Variants in TENM4 observed in about 807,000 individuals in gnomAD.
The protein encoded by TENM4 is teneurin-4.
In TENM4, 82 loss-of-function variants were observed where a neutral mutation model predicts 243.3. The ratio of observed to expected loss-of-function variants is 0.34; its 90% CI spans 0.28 to 0.40. The LOEUF (loss-of-function observed/expected upper bound fraction) is 0.40, where lower values mean the gene tolerates loss of function less well. TENM4 is among the 10% of genes least tolerant of loss of function. The pLI, the probability that TENM4 is intolerant of heterozygous loss-of-function variation, is 1.00. For missense variants in TENM4, 3,138 were observed against 3,673.3 expected (o/e 0.85, Z 3.77); for synonymous variants, 1,412 against 1,456.3 (o/e 0.97, Z 0.69).
At chr11:79,309,969 C>T (rs565305059) in intron 1 of TENM4, among the ~76,000 whole-genome samples, 1 of 152,276 alleles carries the variant, frequency 6.6e-6, no homozygotes, top group South Asian at 2.1e-4. Flanking sequence ...CTGTCCTGAC[C>T]CTTCCAGGCA....
intron 3 of TENM4, among the ~76,000 whole-genome samples, chr11:79,175,741 T>C (rs1172339254): frequency 6.6e-6 from 1 of 152,134 alleles, no homozygotes; most frequent in African/African-American, 2.4e-5. Flanking sequence ...TTCTAAATTT[T>C]CAAGAAAAAA....
intron 18 of TENM4, among the ~76,000 whole-genome samples, chr11:78,770,003 T>C (rs1430619944): frequency 6.6e-6 from 1 of 152,232 alleles, no homozygotes; most frequent in Non-Finnish European, 1.5e-5. Context: ...TCCTACCCTG[T>C]GCAACATATT....
chr11:79,302,241 A>C lies in TENM4; in HGVS notation c.-320-4698T>G, dbSNP rs74673857. ...ACACAGAAAGCAGCTCCAGTGACAA[A>C]CCAGTCCTGTCTTCAAATGTGCAGG... On this transcript the variant is annotated intron_variant, in intron 1 of 33. Transcript: ENST00000278550. Among the ~76,000 whole-genome samples the C allele has an allele frequency of 1.6e-4, 24 of 152,338 alleles. 1 individual carries two copies. In the East Asian group the frequency reaches 3.9e-3, roughly 24 times the overall value.
In TENM4 at chr11:79,069,688, C is replaced by A; in HGVS notation, c.223+34G>T. On this transcript the variant is annotated intron_variant, in intron 5 of 33. Coordinates refer to ENST00000278550, the MANE Select transcript of TENM4 (RefSeq NM_001098816.3). ...TGCCTACCTGAGCCAAGCTCACCTG[C>A]GCCTGAGGCCCGCCCCCTCGGCCTT... 3.3e-6 allele frequency: 5 copies of A among 1,529,194 alleles called. No individual in the cohort carries two copies. The African/African-American group carries it at 4.1e-5, about 13-fold the overall frequency. The allele number at this position is 1,529,194 out of a possible 1,614,324, so 94.7% of individuals were successfully genotyped here. A position where few individuals can be genotyped will look rare whatever the true frequency, so the allele number is the denominator to read the frequency against.
At chr11:79,055,209 TTCTC>T (rs1191350940) in intron 6 of TENM4, among the ~76,000 whole-genome samples, 2 of 152,064 alleles carry the variant, frequency 1.3e-5, no homozygotes, top group Non-Finnish European at 2.9e-5. Context: ...TTTATTCTGC[TTCTC>T]TCTATTCTAT....
chr11:78,952,761 A>G (rs549135877), intron 6 of TENM4, among the ~76,000 whole-genome samples: 145 of 152,268 alleles, frequency 9.5e-4, no homozygotes, highest in African/African-American at 3.4e-3. Context: ...AGTGTCTTAG[A>G]TGTTTTCCTG....
intron 4 of TENM4, among the ~76,000 whole-genome samples, chr11:79,128,119 G>A (rs1861920824): frequency 1.3e-5 from 2 of 152,214 alleles, no homozygotes; most frequent in Non-Finnish European, 2.9e-5. Context: ...TGGTGCTTGA[G>A]GTGTCAGTGG....
At chr11:79,322,779 C>T (rs1341037395) in intron 1 of TENM4, among the ~76,000 whole-genome samples, 1 of 152,190 alleles carries the variant, frequency 6.6e-6, no homozygotes, top group Non-Finnish European at 1.5e-5. Context: ...ATTGTTCACA[C>T]AATTCCATGT....
At position 79,359,750 on chromosome 11, in the gene TENM4, A is replaced by T. The variant is rs1857559968; in HGVS notation, c.-320-62207T>A. Among the ~76,000 whole-genome samples, 3 of 152,238 alleles carry T rather than the reference A, an allele frequency of 2.0e-5. No homozygotes were observed. The South Asian group carries it at 6.2e-4, about 32-fold the overall frequency. On this transcript the variant is annotated intron_variant, in intron 1 of 33. Coordinates refer to ENST00000278550, the MANE Select transcript of TENM4 (RefSeq NM_001098816.3). ...GATCAGACTTTTAAAAAACTTTTAA[A>T]AGTTACATCTTGTTGATCAGAGGCC...
At chr11:79,436,851 C>T (rs61884089) in intron 1 of TENM4, among the ~76,000 whole-genome samples, 11,805 of 152,276 alleles carry the variant, frequency 0.078, 520 homozygotes, top group East Asian at 0.11. Context: ...CTGATCCCTT[C>T]CCCCACCACA....
chr11:79,314,453 G>A (rs190791426), intron 1 of TENM4, among the ~76,000 whole-genome samples: 4 of 152,154 alleles, frequency 2.6e-5, no homozygotes, highest in East Asian at 1.9e-4. Context: ...AGTTGGGGCC[G>A]GGAAGCCTGG....
chr11:78,668,277 CT>C (rs757289889), intron 32 of TENM4, among the ~76,000 whole-genome samples: 1 of 151,930 alleles, frequency 6.6e-6, no homozygotes, highest in East Asian at 1.9e-4. Flanking sequence ...AGCTAGGACT[CT>C]TTTTTTAGTT....
At chr11:78,850,061 CTGTG>C (rs142162971) in intron 12 of TENM4, among the ~76,000 whole-genome samples, 7 of 149,784 alleles carry the variant, frequency 4.7e-5, no homozygotes, top group African/African-American at 1.7e-4. Flanking sequence ...TTTCAGTGCT[CTGTG>C]TGTGTGTGTG....
In TENM4 at chr11:78,924,564, A is replaced by G. The variant is rs73500679; in HGVS notation, c.494-21041T>C. The G allele has an allele frequency of 5.6e-3, 852 of 152,336 alleles. 6 individuals are homozygous for G. Among genetic ancestry groups the G allele is most frequent in the African/African-American group, 0.02 (819 of 41,570 alleles). The allele number at this position is 152,336 out of a possible 1,614,324, so 9.4% of individuals were successfully genotyped here. A position where few individuals can be genotyped will look rare whatever the true frequency, so the allele number is the denominator to read the frequency against. ...CACTAGAAAATGAAGGCAAGAAATT[A>G]CACTGTATTAGACTGTAGTGAGTGT... On this transcript the variant is annotated intron_variant, in intron 6 of 33. Transcript: ENST00000278550.
intron 6 of TENM4, among the ~76,000 whole-genome samples, chr11:78,985,354 T>C (rs1565155213): frequency 6.6e-6 from 1 of 152,120 alleles, no homozygotes; most frequent in East Asian, 1.9e-4. Context: ...TAAAAGATAA[T>C]GCCAAATTAC....
At chr11:79,242,939 C>T (rs551849713) in intron 2 of TENM4, among the ~76,000 whole-genome samples, 1 of 152,296 alleles carries the variant, frequency 6.6e-6, no homozygotes, top group African/African-American at 2.4e-5. Context: ...TGATCTGATG[C>T]ATTTTTAAAC....
At chr11:78,739,316 A>C (rs941789753) in intron 19 of TENM4, among the ~76,000 whole-genome samples, 2 of 151,902 alleles carry the variant, frequency 1.3e-5, no homozygotes, top group Non-Finnish European at 2.9e-5. Context: ...TCATTCCTGC[A>C]CTCCTCTCCC....
At chr11:78,857,210 G>C (rs114212520) in intron 10 of TENM4, among the ~76,000 whole-genome samples, 1,990 of 152,284 alleles carry the variant, frequency 0.013, 54 homozygotes, top group African/African-American at 0.046. Flanking sequence ...TCAACAGGCT[G>C]TATTTTATTT....
chr11:78,990,756 G>A (rs930763355), intron 6 of TENM4, among the ~76,000 whole-genome samples: 2 of 152,164 alleles, frequency 1.3e-5, no homozygotes, highest in African/African-American at 4.8e-5. Context: ...CTTTAGCAGC[G>A]CTTGAATTTT....
Sources: allele counts gnomAD v4.1 joint callset (sites outside exome capture counted in the v4.1 genomes callset), GRCh38; gene constraint gnomAD v4.1.1; transcripts MANE v1.5; gene names NCBI Gene and HGNC (gene_info 2026-07-23, HGNC 2026-07-21).